Variants in CDK14 observed in about 807,000 individuals in gnomAD.
CDK14 encodes cyclin-dependent kinase 14.
Under a neutral mutation model 60.7 loss-of-function variants are expected in CDK14, and 34 were observed. The ratio of observed to expected loss-of-function variants is 0.56; its 90% confidence interval spans 0.43 to 0.75. The LOEUF (loss-of-function observed/expected upper bound fraction) is 0.75, where lower values mean the gene tolerates loss of function less well. Among genes scored for constraint, CDK14 ranks in the 30% least tolerant of loss-of-function variants. The pLI is 0.00. For missense variants in CDK14, 482 were observed against 564.1 expected (o/e 0.85, Z 1.47); for synonymous variants, 197 against 203.7 (o/e 0.97, Z 0.28).
intron 2 of CDK14, chr7:90,692,801 A>G (rs1038534954): frequency 2.6e-5 from 7 of 264,372 alleles, no homozygotes; most frequent in African/African-American, 1.6e-4. Context: ...GTGGTGGTTC[A>G]TGCCTGTAAT....
chr7:90,770,082 A>G (rs551709971), intron 4 of CDK14, among the ~76,000 whole-genome samples: 1 of 152,366 alleles, frequency 6.6e-6, no homozygotes, highest in East Asian at 1.9e-4. Context: ...AGACCTTGCC[A>G]GTTGGCCTTA....
chr7:90,636,588 A>T (rs992611725), intron 2 of CDK14, among the ~76,000 whole-genome samples: 2 of 151,724 alleles, frequency 1.3e-5, no homozygotes, highest in African/African-American at 4.8e-5. Flanking sequence ...TATTGGTCTA[A>T]AATTCTCTTT....
rs1225188399 is a variant in CDK14 at position 91,177,259 on chromosome 7, AC to A, written c.*29-29903del. The stretch of plus-strand genomic sequence containing the variant: ...AAAAAGCCTTTGACAAAATTCAACA[AC>A]CCTTCATGCTAAAAACTCTCAATAA... On this transcript the variant is annotated intron_variant, in intron 14 of 14. Transcript: ENST00000380050. 4.3e-3 allele frequency among the ~76,000 whole-genome samples: 619 copies of A among 143,484 alleles called. 3 individuals carry two copies. Among genetic ancestry groups the A allele is most frequent in the African/African-American group, 0.015 (577 of 38,654 alleles). The allele number at this position is 143,484 out of a possible 152,430, so 94.1% of individuals were successfully genotyped here. A position where few individuals can be genotyped will look rare whatever the true frequency, so the allele number is the denominator to read the frequency against.
intron 14 of CDK14, among the ~76,000 whole-genome samples, chr7:91,167,182 G>C (rs148126628): frequency 6.6e-6 from 1 of 152,114 alleles, no homozygotes; most frequent in Middle Eastern, 3.2e-3. Flanking sequence ...TTTTGTCACC[G>C]AACAACACAC....
intron 4 of CDK14, among the ~76,000 whole-genome samples, chr7:90,773,485 C>A (rs1218951648): frequency 6.6e-6 from 1 of 152,164 alleles, no homozygotes; most frequent in Non-Finnish European, 1.5e-5. Context: ...ATAGTGGATA[C>A]CTGAACATCA....
chr7:90,612,730 C>T (rs1189902794), intron 2 of CDK14, among the ~76,000 whole-genome samples: 1 of 145,346 alleles, frequency 6.9e-6, no homozygotes, highest in Non-Finnish European at 1.5e-5. Context: ...CGAGATTGTG[C>T]CACTGCACTC....
At chr7:91,059,325 A>G (rs1038442413) in intron 11 of CDK14, among the ~76,000 whole-genome samples, 24 of 151,896 alleles carry the variant, frequency 1.6e-4, no homozygotes, top group African/African-American at 5.6e-4. Context: ...CTAGCGGTCT[A>G]TCAATTTTGT....
intron 5 of CDK14, among the ~76,000 whole-genome samples, chr7:90,834,656 C>A (rs1345654907): frequency 1.3e-5 from 2 of 152,138 alleles, no homozygotes; most frequent in Non-Finnish European, 2.9e-5. Context: ...GGAGACTGGA[C>A]ATTTTTTGAT....
chr7:90,612,464 ACT>A (rs1794891037), intron 2 of CDK14, among the ~76,000 whole-genome samples: 2 of 151,540 alleles, frequency 1.3e-5, no homozygotes, highest in South Asian at 4.2e-4. Flanking sequence ...ATTCAATCTC[ACT>A]CTCTCTTATA....
intron 14 of CDK14, among the ~76,000 whole-genome samples, chr7:91,148,674 A>G (rs530950522): frequency 6.6e-6 from 1 of 152,346 alleles, no homozygotes; most frequent in South Asian, 2.1e-4. Flanking sequence ...CAGAGGAACG[A>G]GGACCATGGT....
intron 2 of CDK14, among the ~76,000 whole-genome samples, chr7:90,651,343 C>T (rs1015296728): frequency 6.6e-6 from 1 of 152,114 alleles, no homozygotes; most frequent in Non-Finnish European, 1.5e-5. Context: ...CCCCACCCCC[C>T]ATTCCCCCAG....
At chr7:90,654,318 A>G (rs1311728570) in intron 2 of CDK14, among the ~76,000 whole-genome samples, 1 of 152,216 alleles carries the variant, frequency 6.6e-6, no homozygotes, top group Non-Finnish European at 1.5e-5. Context: ...AGTGACAGAG[A>G]GAGAATCTAG....
At chr7:91,185,909 C>T (rs1363933293) in intron 14 of CDK14, among the ~76,000 whole-genome samples, 1 of 152,046 alleles carries the variant, frequency 6.6e-6, no homozygotes, top group Admixed American at 6.5e-5. Context: ...CCCACTTCCC[C>T]CAAACCCCCA....
intron 6 of CDK14, among the ~76,000 whole-genome samples, chr7:90,866,168 C>G (rs1302622161): frequency 2.0e-5 from 3 of 150,582 alleles, no homozygotes; most frequent in East Asian, 3.9e-4. Flanking sequence ...ATAAAGCAAA[C>G]TTGTAAGTTA....
chr7:91,054,968 C>G (rs1020505759), intron 11 of CDK14, among the ~76,000 whole-genome samples: 9 of 151,990 alleles, frequency 5.9e-5, no homozygotes, highest in African/African-American at 1.9e-4. Flanking sequence ...TCAGAAAGAC[C>G]TACAGGCTAC....
intron 4 of CDK14, among the ~76,000 whole-genome samples, chr7:90,764,495 T>C (rs1486499309): frequency 6.6e-6 from 1 of 152,156 alleles, no homozygotes; most frequent in Non-Finnish European, 1.5e-5. Flanking sequence ...AAGTATACTG[T>C]ACTACTAGTA....
rs540843346 is a variant in CDK14 at position 91,118,986 on chromosome 7, T to C, written c.*28+778T>C. The stretch of plus-strand genomic sequence containing the variant: ...TTCTGAAAAGGCCATCTTTCTTGAT[T>C]GCCAGATGGAAATGCCTAGTATTTT... On this transcript the variant is annotated intron_variant, in intron 14 of 14. Transcript: ENST00000380050. Among the ~76,000 whole-genome samples the C allele has an allele frequency of 4.6e-5, 7 of 152,250 alleles. No homozygotes were observed. The South Asian group carries it at 1.4e-3, about 32-fold the overall frequency.
intron 14 of CDK14, among the ~76,000 whole-genome samples, chr7:91,125,660 A>G (rs1405528037): frequency 2.0e-5 from 3 of 152,186 alleles, no homozygotes; most frequent in Non-Finnish European, 4.4e-5. Context: ...CATTTAGGGA[A>G]ATAATGTACA....
chr7:90,925,234 G>T (rs1025997352), intron 8 of CDK14, among the ~76,000 whole-genome samples: 5 of 152,156 alleles, frequency 3.3e-5, no homozygotes, highest in African/African-American at 9.7e-5. Flanking sequence ...AATGCAGATT[G>T]AAGTGTTCAT....
Sources: allele counts gnomAD v4.1 joint callset (sites outside exome capture counted in the v4.1 genomes callset), GRCh38; gene constraint gnomAD v4.1.1; transcripts MANE v1.5; gene names NCBI Gene and HGNC (gene_info 2026-07-23, HGNC 2026-07-21).